Variants in CNTLN observed in about 807,000 individuals in gnomAD.
CNTLN encodes centlein, centrosomal protein.
Under a neutral mutation model 180.0 loss-of-function variants are expected in CNTLN, and 212 were observed. The ratio of observed to expected loss-of-function variants is 1.18; its 90% CI spans 1.05 to 1.32. The LOEUF (loss-of-function observed/expected upper bound fraction) is 1.32. Among genes scored for constraint, CNTLN ranks in the 40% most tolerant of loss-of-function variants. The probability of loss-of-function intolerance (pLI) is 0.00; values close to 1 mark genes in which losing one functional copy is unlikely to be tolerated. For missense variants in CNTLN, 2,095 were observed against 1,610.9 expected (o/e 1.30, Z -5.14); for synonymous variants, 722 against 563.1 (o/e 1.28, Z -3.99).
chr9:17,340,355 T>C (rs981415961), intron 10 of CNTLN, among the ~76,000 whole-genome samples: 2 of 152,166 alleles, frequency 1.3e-5, no homozygotes, highest in African/African-American at 2.4e-5. Flanking sequence ...TTCTTCCTTA[T>C]GTGTAATCCT....
intron 5 of CNTLN, among the ~76,000 whole-genome samples, chr9:17,249,050 C>G (rs1825969804): frequency 6.6e-6 from 1 of 151,818 alleles, no homozygotes; most frequent in Non-Finnish European, 1.5e-5. Flanking sequence ...TTTTCCATCC[C>G]TTCTCCTTTT....
In CNTLN at chr9:17,427,879, T is replaced by C. The variant is rs78817431; in HGVS notation, c.3114+11690T>C. ...AGATCATTCTTTCATTCATCAAGCA[T>C]TGCTTGGGTATCTTCTGTGTGCTAG... On this transcript the variant is annotated intron_variant, in intron 18 of 25. Transcript: ENST00000380647. Among the ~76,000 whole-genome samples, 86 of 152,288 alleles carry C rather than the reference T, an allele frequency of 5.6e-4. No individual in the cohort carries two copies. In the East Asian group the frequency reaches 0.016, roughly 28 times the overall value.
intron 11 of CNTLN, among the ~76,000 whole-genome samples, chr9:17,341,214 CTT>C (rs541317858): frequency 3.0e-3 from 456 of 152,012 alleles, no homozygotes; most frequent in African/African-American, 0.01. Context: ...AATGGAATAA[CTT>C]AATAAAATTA....
At chr9:17,454,480 A>G (rs555552645) in intron 18 of CNTLN, among the ~76,000 whole-genome samples, 6 of 152,204 alleles carry the variant, frequency 3.9e-5, no homozygotes, top group Non-Finnish European at 8.8e-5. Flanking sequence ...ATTCTAGTCA[A>G]ACAAGTAACT....
intron 13 of CNTLN, among the ~76,000 whole-genome samples, chr9:17,380,710 C>G (rs1411990759): frequency 6.6e-6 from 1 of 152,142 alleles, no homozygotes; most frequent in East Asian, 1.9e-4. Context: ...CATTTCTTAC[C>G]ATGTTCGTCA....
At chr9:17,218,350 T>G (rs919530204) in intron 2 of CNTLN, among the ~76,000 whole-genome samples, 4 of 152,178 alleles carry the variant, frequency 2.6e-5, no homozygotes, top group Non-Finnish European at 5.9e-5. Context: ...TTTCTTTTTT[T>G]AAATATTTGC....
At chr9:17,491,750 A>G (rs1369275167) in intron 25 of CNTLN, among the ~76,000 whole-genome samples, 1 of 152,060 alleles carries the variant, frequency 6.6e-6, no homozygotes, top group East Asian at 1.9e-4. Flanking sequence ...CTCTGTTCCT[A>G]TTAGTTGCTT....
intron 1 of CNTLN, among the ~76,000 whole-genome samples, 155 bp from the exon 2 acceptor site, chr9:17,143,133 A>G (rs183238468): frequency 1.3e-5 from 2 of 152,350 alleles, no homozygotes; most frequent in African/African-American, 4.8e-5. Flanking sequence ...ACTTTTTAAA[A>G]TAAAGTTTTA....
At chr9:17,398,261 A>T (rs1337611529) in intron 15 of CNTLN, among the ~76,000 whole-genome samples, 1 of 152,200 alleles carries the variant, frequency 6.6e-6, no homozygotes, top group Non-Finnish European at 1.5e-5. Context: ...TCGTTGCCTT[A>T]TGCTAGAAGT....
At chr9:17,358,748 A>G (rs146473389) in intron 12 of CNTLN, among the ~76,000 whole-genome samples, 4,025 of 152,286 alleles carry the variant, frequency 0.026, 120 homozygotes, top group African/African-American at 0.074. Context: ...GTATATGAGC[A>G]CATATACAAG....
chr9:17,491,543 C>G (rs1054755081), intron 25 of CNTLN, among the ~76,000 whole-genome samples: 15 of 151,894 alleles, frequency 9.9e-5, no homozygotes, highest in African/African-American at 2.9e-4. Flanking sequence ...AAAATGTGTT[C>G]TTGATTTATG....
intron 2 of CNTLN, among the ~76,000 whole-genome samples, chr9:17,219,900 A>C (rs1274264552): frequency 3.3e-5 from 5 of 151,886 alleles, no homozygotes; most frequent in African/African-American, 9.7e-5. Context: ...TCTTCTCTCT[A>C]GTGTCCCCTC....
At chr9:17,381,442 G>T (rs569888789) in intron 13 of CNTLN, among the ~76,000 whole-genome samples, 1 of 152,280 alleles carries the variant, frequency 6.6e-6, no homozygotes, top group African/African-American at 2.4e-5. Context: ...AATTTATTAA[G>T]TTATTAGGTA....
chr9:17,406,701 C>T (rs1472835390), intron 15 of CNTLN, among the ~76,000 whole-genome samples: 1 of 151,680 alleles, frequency 6.6e-6, no homozygotes, highest in Admixed American at 6.6e-5. Flanking sequence ...TAAATTTATT[C>T]ATGGATAGAC....
chr9:17,328,978 T>C (rs540815285), intron 8 of CNTLN, among the ~76,000 whole-genome samples: 1 of 152,140 alleles, frequency 6.6e-6, no homozygotes, highest in African/African-American at 2.4e-5. Context: ...TAATGTCTTA[T>C]ATTTGAGTTA....
chr9:17,155,338 C>A (rs950238655), intron 2 of CNTLN, among the ~76,000 whole-genome samples: 6 of 152,172 alleles, frequency 3.9e-5, no homozygotes, highest in Non-Finnish European at 5.9e-5. Flanking sequence ...GCAGACTGAC[C>A]CTTAGCAGAC....
intron 12 of CNTLN, among the ~76,000 whole-genome samples, chr9:17,364,159 A>C (rs7862069): frequency 0.6 from 90,929 of 151,950 alleles, 27,465 homozygotes; most frequent in East Asian, 0.73. Context: ...TATCTTCATC[A>C]GTTCTCAAAT....
intron 18 of CNTLN, among the ~76,000 whole-genome samples, chr9:17,420,095 G>A (rs180868769): frequency 8.0e-4 from 121 of 152,022 alleles, no homozygotes; most frequent in African/African-American, 2.8e-3. Context: ...TTGTATTTTC[G>A]GTGGAGTTGG....
intron 15 of CNTLN, among the ~76,000 whole-genome samples, chr9:17,406,992 A>C (rs1239595638): frequency 6.7e-6 from 1 of 148,574 alleles, no homozygotes; most frequent in African/African-American, 2.6e-5. Context: ...ATTTCTGCTA[A>C]GTTTTGGCCA....
Sources: allele counts gnomAD v4.1 joint callset (sites outside exome capture counted in the v4.1 genomes callset), GRCh38; gene constraint gnomAD v4.1.1; transcripts MANE v1.5; gene names NCBI Gene and HGNC (gene_info 2026-07-23, HGNC 2026-07-21).